The following RUFY2 variants were observed in gnomAD, a reference collection of about 807,000 sequenced individuals.
RUFY2 encodes the protein RUN and FYVE domain containing 2.
In RUFY2, 49 loss-of-function variants were observed where a neutral mutation model predicts 94.4. That is an observed-to-expected ratio of 0.52 (90% confidence interval 0.41 to 0.66). RUFY2 has a LOEUF of 0.66. Ranked by LOEUF, RUFY2 falls within the 30% of genes least tolerant of loss-of-function variation. RUFY2 has a pLI of 0.00. For missense variants in RUFY2, 541 were observed against 692.8 expected (o/e 0.78, Z 2.46); for synonymous variants, 255 against 235.7 (o/e 1.08, Z -0.75).
At chr10:68,387,770 C>CATAATCCCAGCACTTTGG (rs1554890214) in intron 7 of RUFY2, among the ~76,000 whole-genome samples, 1 of 151,940 alleles carries the variant, frequency 6.6e-6, no homozygotes, top group Non-Finnish European at 1.5e-5. Context: ...TTTGGGAGGC[C>CATAATCCCAGCACTTTGG]GAGGCGGGCA....
At chr10:68,371,762 C>T (rs961612714) in intron 13 of RUFY2, among the ~76,000 whole-genome samples, 4 of 151,948 alleles carry the variant, frequency 2.6e-5, no homozygotes, top group African/African-American at 9.7e-5. Flanking sequence ...AGGTTAAAGC[C>T]CAAAAAACAT....
rs993952785 is a variant in RUFY2, at chr10:68,346,027, A to G, written c.1657T>C (p.Phe553Leu). 3.7e-6 allele frequency: 6 copies of G among 1,613,872 alleles called. No individual in the cohort carries two copies. Among genetic ancestry groups the G allele is most frequent in the Non-Finnish European group, 1.7e-6 (2 of 1,179,974 alleles). ...CTTACCTTTCTCTTAGAGAGTGAGAATTCCTTTTCACAAAGTTTACAATGT... is the reference window on the plus strand; with the variant it reads ...CTTACCTTTCTCTTAGAGAGTGAGAGTTCCTTTTCACAAAGTTTACAATGT... ...ATHCKLCEKE[F>L]SLSKRKHHCR... is the part of the protein sequence containing the mutation. The change falls in exon 17 of 18, where the codon TTC becomes CTC. Residue 553 changes from phenylalanine to leucine, a missense_variant. Phe to Leu is a conservative substitution (Grantham distance 22, BLOSUM62 0). Transcript: ENST00000602465.
chr10:68,341,883 C>T (rs1010778738), downstream of RUFY2: 88 of 1,590,574 alleles, frequency 5.5e-5, no homozygotes, highest in Admixed American at 8.5e-4. Context: ...TGTGTTAGTC[C>T]GCATATGTAG....
Position 68,405,297 on chromosome 10 carries a change from G to A in RUFY2, c.5-453C>T, listed in dbSNP as rs190857051. ...CACTGCACTCCAATCTGGTGACAGAGCGAATCTCCGTCTCACAAAAAAAAA... is the reference window on the plus strand; with the variant it reads ...CACTGCACTCCAATCTGGTGACAGAACGAATCTCCGTCTCACAAAAAAAAA... On this transcript the variant is annotated intron_variant, in intron 1 of 17. Transcript: ENST00000602465. 479 of 181,632 alleles carry A rather than the reference G, an allele frequency of 2.6e-3. 3 individuals carry two copies. Among genetic ancestry groups the A allele is most frequent in the African/African-American group, 0.012 (454 of 37,640 alleles). 11.3% of individuals were successfully genotyped at this position (181,632 alleles called of 1,614,324 possible). A position where few individuals can be genotyped will look rare whatever the true frequency, so the allele number is the denominator to read the frequency against.
chr10:68,356,357 T>C (rs2047055633), intron 15 of RUFY2, among the ~76,000 whole-genome samples: 1 of 151,442 alleles, frequency 6.6e-6, no homozygotes, highest in Non-Finnish European at 1.5e-5. Flanking sequence ...AATACAAAAA[T>C]TAGCTGGAAA....
chr10:68,347,689 A>G (rs2046382915), intron 16 of RUFY2, among the ~76,000 whole-genome samples: 1 of 152,156 alleles, frequency 6.6e-6, no homozygotes. Flanking sequence ...TCACAATGAG[A>G]AGACCCAGAT....
intron 16 of RUFY2, among the ~76,000 whole-genome samples, chr10:68,346,932 G>C (rs1001209571): frequency 6.6e-6 from 1 of 152,142 alleles, no homozygotes; most frequent in African/African-American, 2.4e-5. Flanking sequence ...AGGCCAGGAA[G>C]ACTGGCCTGG....
chr10:68,373,831 C>T (rs1000204789), intron 13 of RUFY2, among the ~76,000 whole-genome samples: 6 of 151,952 alleles, frequency 3.9e-5, no homozygotes, highest in African/African-American at 9.7e-5. Context: ...AAGAAACTTT[C>T]GGCTGGGAGC....
chr10:68,385,953 T>C (rs758038350), intron 8 of RUFY2, 106 bp downstream of exon 8: 3 of 607,910 alleles, frequency 4.9e-6, no homozygotes, highest in Non-Finnish European at 8.5e-6. Flanking sequence ...ATCACAATGA[T>C]GAGTGTGTGT....
chr10:68,359,145 A>T (rs1044690725), intron 15 of RUFY2, among the ~76,000 whole-genome samples: 1 of 151,914 alleles, frequency 6.6e-6, no homozygotes, highest in African/African-American at 2.4e-5. Flanking sequence ...TTGGGAGGCC[A>T]AGGTGGGTGG....
chr10:68,369,463 C>A (rs1284843461), intron 13 of RUFY2, among the ~76,000 whole-genome samples: 4 of 133,454 alleles, frequency 3.0e-5, no homozygotes, highest in Admixed American at 8.2e-5. Flanking sequence ...ACAGCCTGGG[C>A]AACAGAGCCA....
At chr10:68,348,760 G>C (rs1198911494) in intron 16 of RUFY2, among the ~76,000 whole-genome samples, 1 of 152,148 alleles carries the variant, frequency 6.6e-6, no homozygotes, top group East Asian at 1.9e-4. Context: ...AGTAAGCCTA[G>C]TGTGTCCCTG....
chr10:68,397,030 C>T, intron 3 of RUFY2, 149 bp from the exon 4 acceptor site: 1 of 565,514 alleles, frequency 1.8e-6, no homozygotes, highest in Non-Finnish European at 3.1e-6. Context: ...AGCACACAAA[C>T]CAATCCCTGA....
chr10:68,405,701 T>C (rs1002836067), intron 1 of RUFY2: 1 of 983,444 alleles, frequency 1.0e-6, no homozygotes, highest in African/African-American at 1.8e-5. Context: ...CGTCCAATTC[T>C]TTCGTCTACC....
rs1257519815 is a variant in RUFY2, at chr10:68,394,150, A to G, written c.523-14T>C. 1.3e-6 allele frequency: 2 copies of G among 1,485,008 alleles called. No homozygotes were observed. 92.0% of individuals were successfully genotyped at this position (1,485,008 alleles called of 1,614,324 possible). A position where few individuals can be genotyped will look rare whatever the true frequency, so the allele number is the denominator to read the frequency against. On this transcript the variant is annotated splice_polypyrimidine_tract_variant and intron_variant, in intron 5 of 17. Transcript: ENST00000602465. ...AATCACTCCAACCTGAAGTAAATAA[A>G]GTTTTTTTTAATTTAAAGGGGAGAA... is the stretch of plus-strand genomic sequence containing the variant.
At chr10:68,377,532 A>C (rs541217337) in intron 12 of RUFY2, 236 of 977,938 alleles carry the variant, frequency 2.4e-4, no homozygotes, top group Admixed American at 8.2e-4. Context: ...GTGTGTGTGC[A>C]CGTGTGCATA....
intron 3 of RUFY2, among the ~76,000 whole-genome samples, chr10:68,397,285 G>C (rs982012305): frequency 4.6e-5 from 7 of 152,132 alleles, no homozygotes; most frequent in Non-Finnish European, 7.4e-5. Context: ...GAATGCTGTA[G>C]GCAATTATTA....
chr10:68,343,543 C>G lies in RUFY2; in HGVS notation c.*2225G>C, dbSNP rs1749597035. The G allele has an allele frequency of 6.6e-6, 1 of 152,446 alleles. No homozygotes were observed. Among genetic ancestry groups the G allele is most frequent in the Admixed American group, 6.6e-5 (1 of 15,242 alleles). 9.4% of individuals were successfully genotyped at this position (152,446 alleles called of 1,614,324 possible). On this transcript the variant is annotated 3_prime_UTR_variant, in exon 18 of 18. Transcript: ENST00000602465. ...TAATTTTCCAAATATTTATTTAGTTCATAAAATTCACATTTTATTTTTTAA... is the reference window on the plus strand; with the variant it reads ...TAATTTTCCAAATATTTATTTAGTTGATAAAATTCACATTTTATTTTTTAA...
At chr10:68,395,225 C>A (rs1018447880) in intron 4 of RUFY2, among the ~76,000 whole-genome samples, 1 of 151,886 alleles carries the variant, frequency 6.6e-6, no homozygotes, top group Non-Finnish European at 1.5e-5. Flanking sequence ...GTAATTCCAC[C>A]TACTCGGGAG....
Sources: gnomAD v4.1 joint callset for allele counts (sites outside exome capture counted in the v4.1 genomes callset) on GRCh38, gnomAD v4.1.1 for gene constraint, MANE v1.5 for transcripts, NCBI Gene and HGNC (gene_info 2026-07-23, HGNC 2026-07-21) for gene names.